Variants in SLC12A2 observed in about 807,000 individuals in gnomAD.
SLC12A2 encodes solute carrier family 12 member 2.
In SLC12A2, 67 loss-of-function variants were observed where a neutral mutation model predicts 136.3. The observed-to-expected ratio is 0.49, with a 90% CI of 0.40 to 0.60. SLC12A2 has a LOEUF of 0.60. Ranked by LOEUF, SLC12A2 falls within the 20% of genes least tolerant of loss-of-function variation. SLC12A2 has a pLI of 0.00. For synonymous variants in SLC12A2, 619 were observed against 562.9 expected (o/e 1.10, Z -1.41); for missense variants, 1,322 against 1,534.7 (o/e 0.86, Z 2.32).
chr5:128,145,232 A>G (rs1337702212), intron 10 of SLC12A2, among the ~76,000 whole-genome samples: 1 of 152,150 alleles, frequency 6.6e-6, no homozygotes, highest in Non-Finnish European at 1.5e-5. Flanking sequence ...GAAAGGTTAT[A>G]GTAATGCTGG....
intron 10 of SLC12A2, among the ~76,000 whole-genome samples, chr5:128,142,647 T>A (rs1762411796): frequency 6.6e-6 from 1 of 152,076 alleles, no homozygotes; most frequent in South Asian, 2.1e-4. Context: ...GTTTTTGGAT[T>A]CTTGATTCTG....
chr5:128,094,665 A>G (rs775191203), intron 1 of SLC12A2, among the ~76,000 whole-genome samples: 1 of 152,064 alleles, frequency 6.6e-6, no homozygotes, highest in Non-Finnish European at 1.5e-5. Flanking sequence ...TAGTAGAAAA[A>G]TGTTCAAAAA....
rs569280256 is a variant in SLC12A2, at chr5:128,160,622, C to T, written c.2476-1038C>T. 1.1e-3 allele frequency among the ~76,000 whole-genome samples: 165 copies of T among 151,930 alleles called. 2 individuals are homozygous for T. Among genetic ancestry groups the T allele is most frequent in the African/African-American group, 3.9e-3 (160 of 41,434 alleles). On this transcript the variant is annotated intron_variant, in intron 16 of 26. Coordinates refer to ENST00000262461, the MANE Select transcript of SLC12A2 (RefSeq NM_001046.3). ...TAAAAATAATGAACCTTTTTTAATC[C>T]GAAAGTAGTTTTTAGTTTTTTGGCA...
chr5:128,177,145 G>GA lies in SLC12A2; in HGVS notation c.2976dup (p.Glu993ArgfsTer13). 3 of 1,591,754 alleles carry GA rather than the reference G, an allele frequency of 1.9e-6. No homozygotes were observed. Among genetic ancestry groups the GA allele is most frequent in the Admixed American group, 1.8e-5 (1 of 55,522 alleles). ...GCAAGACTGCAACTCAACCACTGTT[G>GA]AAAAAAGGCAGGCATTTTTCATCAT... is the stretch of plus-strand genomic sequence containing the variant. On this transcript the variant is annotated frameshift_variant, in exon 21 of 27. Transcript: ENST00000262461. LOFTEE classifies it high-confidence loss of function.
intron 5 of SLC12A2, 43 bp downstream of exon 5, chr5:128,131,249 T>C: frequency 1.9e-6 from 3 of 1,591,710 alleles, no homozygotes; most frequent in Non-Finnish European, 2.6e-6. Flanking sequence ...CAAATCTTTA[T>C]TGAGGGATTA....
rs193024022 is a variant in SLC12A2, at chr5:128,123,472, G to A, written c.1049-7595G>A. Among the ~76,000 whole-genome samples, 38 of 152,010 alleles carry A rather than the reference G, an allele frequency of 2.5e-4. No individual in the cohort carries two copies. In the East Asian group the frequency reaches 6.6e-3, roughly 26 times the overall value. ...ACCAACAGTGAGTTTCACTTGTTCC[G>A]TATCTGTATCCTCACCAACAGTTGG... On this transcript the variant is annotated intron_variant, in intron 4 of 26. Coordinates refer to ENST00000262461, the MANE Select transcript of SLC12A2 (RefSeq NM_001046.3).
chr5:128,183,001 A>C, intron 24 of SLC12A2, 60 bp downstream of exon 24: 1 of 1,020,452 alleles, frequency 9.8e-7, no homozygotes, highest in East Asian at 2.4e-5. Flanking sequence ...CACAGATTCA[A>C]CTTAATTAAA....
chr5:128,158,155 T>G lies in SLC12A2; in HGVS notation c.2466T>G (p.His822Gln), dbSNP rs1422241530. The G allele has an allele frequency of 6.2e-7, 1 of 1,609,278 alleles. No individual in the cohort carries two copies. Among genetic ancestry groups the G allele is most frequent in the Non-Finnish European group, 8.5e-7 (1 of 1,177,508 alleles). The change falls in exon 16 of 27, where the codon CAT becomes CAG. Residue 822 changes from histidine to glutamine, a missense_variant. His to Gln is a conservative substitution (Grantham distance 24, BLOSUM62 0). This residue lies in a region of SLC12A2 where 294 missense variants were observed against 436.6 expected (regional missense o/e 0.67). Coordinates refer to ENST00000262461, the MANE Select transcript of SLC12A2 (RefSeq NM_001046.3). ...ATGTTGGTTTGATGATCTGTGGCCA[T>G]GTACATATGGTAAGTATCAATTTTG... ...TKNVGLMICG[H>Q]VHMGPRRQAM... is the part of the protein sequence containing the mutation.
At chr5:128,156,566 C>T (rs368635829) in intron 15 of SLC12A2, among the ~76,000 whole-genome samples, 4 of 152,060 alleles carry the variant, frequency 2.6e-5, no homozygotes, top group African/African-American at 4.8e-5. Context: ...CTCACAATAA[C>T]GGGTTCTATT....
chr5:128,125,409 A>T (rs553931897), intron 4 of SLC12A2, among the ~76,000 whole-genome samples: 1 of 152,166 alleles, frequency 6.6e-6, no homozygotes, highest in African/African-American at 2.4e-5. Context: ...TTGATGTTCA[A>T]TGATGAGGAG....
intron 4 of SLC12A2, among the ~76,000 whole-genome samples, chr5:128,129,447 A>G (rs898239944): frequency 2.0e-5 from 3 of 151,160 alleles, no homozygotes; most frequent in African/African-American, 7.3e-5. Context: ...TCTCAAAATC[A>G]TGAGGCTAAT....
chr5:128,151,160 T>A, intron 13 of SLC12A2, 81 bp from the exon 14 acceptor site: 1 of 1,233,820 alleles, frequency 8.1e-7, no homozygotes, highest in Non-Finnish European at 1.1e-6. Context: ...CCATAAAGAA[T>A]GTTATTTTTT....
intron 9 of SLC12A2, among the ~76,000 whole-genome samples, chr5:128,140,381 C>T (rs1054041923): frequency 3.3e-5 from 5 of 152,106 alleles, no homozygotes; most frequent in South Asian, 2.1e-4. Context: ...TTTGAAAACA[C>T]GGATGAATAT....
chr5:128,187,811 G>A lies in SLC12A2; in HGVS notation c.*1180G>A, dbSNP rs1258627403. ...AGAAAAACTGCCAGTTTGTGCTTTTGAAATGTCTGTTTTGACATCATAGTC... is the reference window on the plus strand; with the variant it reads ...AGAAAAACTGCCAGTTTGTGCTTTTAAAATGTCTGTTTTGACATCATAGTC... On this transcript the variant is annotated 3_prime_UTR_variant, in exon 27 of 27. Transcript: ENST00000262461. 3 of 152,516 alleles carry A rather than the reference G, an allele frequency of 2.0e-5. No individual in the cohort carries two copies. Among genetic ancestry groups the A allele is most frequent in the Non-Finnish European group, 4.4e-5 (3 of 67,986 alleles). The allele number at this position is 152,516 out of a possible 1,614,324, so 9.4% of individuals were successfully genotyped here. A position where few individuals can be genotyped will look rare whatever the true frequency, so the allele number is the denominator to read the frequency against.
chr5:128,172,566 A>G (rs1763412115), intron 19 of SLC12A2, among the ~76,000 whole-genome samples: 1 of 152,242 alleles, frequency 6.6e-6, no homozygotes, highest in Non-Finnish European at 1.5e-5. Context: ...TGACATGTCA[A>G]GAATGGTATG....
intron 19 of SLC12A2, 118 bp downstream of exon 19, chr5:128,171,864 A>T: frequency 1.6e-6 from 1 of 607,092 alleles, no homozygotes; most frequent in South Asian, 2.5e-5. Context: ...TCGTGGACTT[A>T]TTGTATGGCA....
intron 4 of SLC12A2, among the ~76,000 whole-genome samples, chr5:128,121,211 G>A (rs1029019457): frequency 5.9e-5 from 9 of 152,190 alleles, no homozygotes; most frequent in Non-Finnish European, 1.5e-5. Flanking sequence ...AAAGTCTCAT[G>A]TAATGGAAAC....
chr5:128,127,357 G>C lies in SLC12A2; in HGVS notation c.1049-3710G>C, dbSNP rs556834952. Among the ~76,000 whole-genome samples the C allele has an allele frequency of 3.4e-4, 51 of 152,032 alleles. 1 individual carries two copies. The South Asian group carries it at 0.01, about 31-fold the overall frequency. ...AGGATGGTCTCCATCTCCTGACCTTGTGATCCACCTGCCTCGGCCTGCCAA... is the reference window on the plus strand; with the variant it reads ...AGGATGGTCTCCATCTCCTGACCTTCTGATCCACCTGCCTCGGCCTGCCAA... On this transcript the variant is annotated intron_variant, in intron 4 of 26. Transcript: ENST00000262461.
rs75760581 is a variant in SLC12A2 at position 128,108,096 on chromosome 5, C to T, written c.757-4718C>T. ...TATGCATACTTCTAACAAGTTTAAC[C>T]GTTAATGGTTTCTGTGTTCATACCA... On this transcript the variant is annotated intron_variant, in intron 1 of 26. Coordinates refer to ENST00000262461, the MANE Select transcript of SLC12A2 (RefSeq NM_001046.3). Among the ~76,000 whole-genome samples, 428 of 151,850 alleles carry T rather than the reference C, an allele frequency of 2.8e-3. 1 individual carries two copies. The highest frequency in any genetic ancestry group is 9.6e-3 in the African/African-American group (399 of 41,406).
Sources: allele counts gnomAD v4.1 joint callset (sites outside exome capture counted in the v4.1 genomes callset), GRCh38; gene constraint gnomAD v4.1.1; regional missense constraint gnomAD v4.1.1; transcripts MANE v1.5; gene names NCBI Gene and HGNC (gene_info 2026-07-23, HGNC 2026-07-21).